ONECUT1: variants seen among roughly 807,000 people sequenced by gnomAD.
ONECUT1 encodes the protein hepatocyte nuclear factor 6.
A neutral mutation model predicts 25.6 loss-of-function variants in ONECUT1; 12 were observed. The ratio of observed to expected loss-of-function variants is 0.47; its 90% CI spans 0.30 to 0.76. The LOEUF is 0.76. Among genes scored for constraint, ONECUT1 ranks in the 30% least tolerant of loss-of-function variants. ONECUT1 has a pLI of 0.07. For missense variants in ONECUT1, 620 were observed against 651.2 expected (o/e 0.95, Z 0.52); for synonymous variants, 285 against 270.2 (o/e 1.05, Z -0.54).
chr15:52,780,939 A>C (rs1596055453), intron 1 of ONECUT1: 2 of 1,203,272 alleles, frequency 1.7e-6, no homozygotes, highest in East Asian at 7.7e-5. Flanking sequence ...GGAAACATGC[A>C]GTGTTTGACA....
chr15:52,757,836 TC>T lies in ONECUT1; in HGVS notation c.1116del (p.Glu374AsnfsTer53), dbSNP rs1190275089. ...MSALRLAACK[R>X]KEQEHGKDRG... The stretch of plus-strand genomic sequence containing the variant: ...CTATCCTTCCCATGTTCTTGTTCTT[TC>T]CTTTTGCATGCTGTGAAGAAACACA... On this transcript the variant is annotated frameshift_variant, in exon 2 of 2. Transcript: ENST00000305901. LOFTEE classifies it high-confidence loss of function. 2 of 1,612,788 alleles carry T rather than the reference TC, an allele frequency of 1.2e-6. No homozygotes were observed. Among genetic ancestry groups the T allele is most frequent in the Non-Finnish European group, 1.7e-6 (2 of 1,179,338 alleles).
intron 1 of ONECUT1, among the ~76,000 whole-genome samples, chr15:52,772,903 T>G (rs1189804432): frequency 3.3e-5 from 5 of 152,164 alleles, no homozygotes; most frequent in Non-Finnish European, 7.4e-5. Context: ...CACACACACA[T>G]ACGCATATAA....
At position 52,789,271 on chromosome 15, in the gene ONECUT1, GC is replaced by G; in HGVS notation, c.613del (p.Ala205ProfsTer52). On this transcript the variant is annotated frameshift_variant, in exon 1 of 2. Transcript: ENST00000305901. LOFTEE classifies it high-confidence loss of function. This position sits in a 1 kb window ranked among gnomAD's most constrained non-coding sequence, Gnocchi z 4.1. ...GAGCATCTTGTCGGTGGGCATGGCG[GC>G]CCCCGGGTGGGCATAGTGGGGGAGC... ...QGLPHYAHPG[A>X]AMPTDKMLTP... 7 of 1,547,336 alleles carry G rather than the reference GC, an allele frequency of 4.5e-6. No homozygotes were observed. Among genetic ancestry groups the G allele is most frequent in the Non-Finnish European group, 3.5e-6 (4 of 1,147,054 alleles).
In ONECUT1 at chr15:52,756,279, G is replaced by GA; in HGVS notation, c.*1275dup. On this transcript the variant is annotated 3_prime_UTR_variant, in exon 2 of 2. Transcript: ENST00000305901. Reference sequence around the variant, plus strand: ...GTTATAAGTACTGAATAGCTCATTTGAATAATAATGTTGTTTTTTTAAACT... The same window carrying GA: ...GTTATAAGTACTGAATAGCTCATTTGAAATAATAATGTTGTTTTTTTAAACT... 6.6e-6 allele frequency among the ~76,000 whole-genome samples: 1 copy of GA among 152,276 alleles called. No homozygotes were observed. Among genetic ancestry groups the GA allele is most frequent in the African/African-American group, 2.4e-5 (1 of 41,552 alleles).
intron 1 of ONECUT1, among the ~76,000 whole-genome samples, chr15:52,786,615 C>G (rs944186809): frequency 4.6e-5 from 7 of 152,240 alleles, no homozygotes; most frequent in African/African-American, 1.7e-4. Flanking sequence ...GCGCCTCCAG[C>G]GTGCGGGTCC....
At chr15:52,785,859 C>T (rs1403538633) in intron 1 of ONECUT1, 1 of 152,248 alleles carries the variant, frequency 6.6e-6, no homozygotes, top group Non-Finnish European at 1.5e-5. Context: ...ATTTCGTGAC[C>T]GGAAGGCGCC....
At chr15:52,783,721 G>T (rs1440356658) in intron 1 of ONECUT1, among the ~76,000 whole-genome samples, 2 of 152,214 alleles carry the variant, frequency 1.3e-5, no homozygotes, top group Non-Finnish European at 2.9e-5. Context: ...ACTTCGGACC[G>T]CCAGGGTCAC....
At chr15:52,787,492 C>A (rs570162211) in intron 1 of ONECUT1, among the ~76,000 whole-genome samples, 21 of 152,222 alleles carry the variant, frequency 1.4e-4, no homozygotes, top group African/African-American at 4.8e-4. Context: ...CGGCTCAGAG[C>A]GGATTGACTG....
intron 1 of ONECUT1, among the ~76,000 whole-genome samples, chr15:52,778,228 C>T (rs1464069297): frequency 2.0e-5 from 3 of 152,210 alleles, no homozygotes; most frequent in African/African-American, 7.2e-5. Flanking sequence ...ACAGGGTGTT[C>T]TTGCCTCTTA....
rs1267893889 is a variant in ONECUT1 at position 52,788,986 on chromosome 15, C to T, written c.899G>A (p.Arg300His). 2 of 1,611,998 alleles carry T rather than the reference C, an allele frequency of 1.2e-6. No homozygotes were observed. The highest frequency in any genetic ancestry group is 1.7e-6 in the Non-Finnish European group (2 of 1,180,020). ...GTAGCGCTTGAGCTCGGTGGTGATA[C>T]GCTGCGCCACCTCTTTGGTATTGAT... ...EEINTKEVAQ[R>H]ITTELKRYSI... The change falls in exon 1 of 2, where the codon CGT (arginine) becomes CAT (histidine). Residue 300 changes from arginine to histidine, a missense_variant. Physicochemically the swap from Arg to His is conservative, Grantham distance 29 (BLOSUM62 0). This residue lies in a region of ONECUT1 where 146 missense variants were observed against 201.8 expected (regional missense o/e 0.72). Coordinates refer to ENST00000305901, the MANE Select transcript of ONECUT1 (RefSeq NM_004498.4). This position sits in a 1 kb window ranked among gnomAD's most constrained non-coding sequence, Gnocchi z 4.3.
In ONECUT1 at chr15:52,789,278, G is replaced by T. The variant is rs752322880; in HGVS notation, c.607C>A (p.Pro203Thr). Residue 203 changes from proline to threonine, a missense_variant, in exon 1 of 2, where the codon CCG becomes ACG. Pro to Thr is a conservative substitution (Grantham distance 38). Coordinates refer to ENST00000305901, the MANE Select transcript of ONECUT1 (RefSeq NM_004498.4). The surrounding 1 kb of genome is among the most constrained non-coding windows in gnomAD (Gnocchi z 4.1). ...TTGTCGGTGGGCATGGCGGCCCCCG[G>T]GTGGGCATAGTGGGGGAGCCCTTGC... is the stretch of plus-strand genomic sequence containing the variant. ...SQQGLPHYAH[P>T]GAAMPTDKML... 1 of 1,550,304 alleles carries T rather than the reference G, an allele frequency of 6.5e-7. No individual in the cohort carries two copies. The highest frequency in any genetic ancestry group is 8.7e-7 in the Non-Finnish European group (1 of 1,147,870).
chr15:52,765,307 T>C (rs1481825477), intron 1 of ONECUT1, among the ~76,000 whole-genome samples: 2 of 152,250 alleles, frequency 1.3e-5, no homozygotes, highest in Non-Finnish European at 2.9e-5. Flanking sequence ...GGTTGAATTC[T>C]ATGGTATGTG....
chr15:52,780,893 G>C, intron 1 of ONECUT1: 1 of 1,318,510 alleles, frequency 7.6e-7, no homozygotes, highest in Non-Finnish European at 9.7e-7. Flanking sequence ...TCCCGTGGCG[G>C]CATATGCAAA....
intron 1 of ONECUT1, among the ~76,000 whole-genome samples, chr15:52,780,304 T>G (rs2083832261): frequency 6.6e-6 from 1 of 152,194 alleles, no homozygotes; most frequent in African/African-American, 2.4e-5. Flanking sequence ...TACTTCTGGT[T>G]CCAGTTTTCC....
intron 1 of ONECUT1, among the ~76,000 whole-genome samples, chr15:52,759,696 C>T (rs2083694248): frequency 6.6e-6 from 1 of 152,134 alleles, no homozygotes; most frequent in African/African-American, 2.4e-5. Context: ...CCTCCGTGGG[C>T]TCAAGCGATC....
intron 1 of ONECUT1, among the ~76,000 whole-genome samples, chr15:52,766,094 T>C (rs532822218): frequency 6.6e-6 from 1 of 152,190 alleles, no homozygotes; most frequent in Non-Finnish European, 1.5e-5. Context: ...AATAAGAACA[T>C]GCAGAGAGCA....
chr15:52,763,941 T>C (rs1187363794), intron 1 of ONECUT1, among the ~76,000 whole-genome samples: 1 of 152,232 alleles, frequency 6.6e-6, no homozygotes, highest in Non-Finnish European at 1.5e-5. Flanking sequence ...AGATGGAAGT[T>C]AGAAACAAAC....
At chr15:52,770,039 T>C (rs936417033) in intron 1 of ONECUT1, among the ~76,000 whole-genome samples, 1 of 152,222 alleles carries the variant, frequency 6.6e-6, no homozygotes, top group African/African-American at 2.4e-5. Context: ...ATTTTGTTTC[T>C]TTTTCTTCTG....
rs1344737861 is a variant in ONECUT1 at position 52,789,139 on chromosome 15, G to T, written c.746C>A (p.Pro249Gln). The change falls in exon 1 of 2, where the codon CCG becomes CAG. Residue 249 changes from proline (P) to glutamine (Q), a missense_variant. Physicochemically the swap from Pro to Gln is moderately conservative, Grantham distance 76 (BLOSUM62 -1). Coordinates refer to ENST00000305901, the MANE Select transcript of ONECUT1 (RefSeq NM_004498.4). The surrounding 1 kb of genome is among the most constrained non-coding windows in gnomAD (Gnocchi z 4.1). ...AGMVPINGLP[P>Q]HHPHAHLNAQ... ...GTTCAGGTGGGCGTGGGGATGGTGC[G>T]GAGGAAGGCCGTTGATGGGCACCAT... The T allele has an allele frequency of 6.3e-6, 10 of 1,598,482 alleles. No homozygotes were observed. Among genetic ancestry groups the T allele is most frequent in the Non-Finnish European group, 8.5e-6 (10 of 1,177,974 alleles).
Sources: gnomAD v4.1 joint callset for allele counts (sites outside exome capture counted in the v4.1 genomes callset) on GRCh38, gnomAD v4.1.1 for gene constraint, gnomAD v4.1.1 regional missense constraint, Gnocchi (gnomAD v3.1) non-coding constraint, MANE v1.5 for transcripts, NCBI Gene and HGNC (gene_info 2026-07-23, HGNC 2026-07-21) for gene names.